Variants in NR1D2 observed in about 807,000 individuals in gnomAD.
NR1D2 encodes V-erbA-related protein 1-related.
In NR1D2, 25 loss-of-function variants were observed where a neutral mutation model predicts 52.2. The ratio of observed to expected loss-of-function variants is 0.48; its 90% CI spans 0.35 to 0.67. NR1D2 has a LOEUF of 0.67. Among genes scored for constraint, NR1D2 ranks in the 30% least tolerant of loss-of-function variants. NR1D2 has a pLI of 0.01. For missense variants in NR1D2, 681 were observed against 707.2 expected (o/e 0.96, Z 0.42); for synonymous variants, 259 against 230.1 (o/e 1.13, Z -1.14).
Position 23,980,580 on chromosome 3 carries a change from G to C in NR1D2, c.*3161G>C, listed in dbSNP as rs1248074038. 1 of 151,720 alleles carries C rather than the reference G, an allele frequency of 6.6e-6. No homozygotes were observed. Among genetic ancestry groups the C allele is most frequent in the Non-Finnish European group, 1.5e-5 (1 of 67,900 alleles). The allele number at this position is 151,720 out of a possible 1,614,324, so 9.4% of individuals were successfully genotyped here. ...TCTTCATGTTTCTGAGAAGTAATCT[G>C]TATGTGGGGGGAGGGGATAATAAAT... On this transcript the variant is annotated 3_prime_UTR_variant, in exon 8 of 8. Coordinates refer to ENST00000312521, the MANE Select transcript of NR1D2 (RefSeq NM_005126.5).
intron 3 of NR1D2, 87 bp from the exon 4 acceptor site, chr3:23,959,584 A>G: frequency 7.8e-7 from 1 of 1,278,028 alleles, no homozygotes; most frequent in Non-Finnish European, 1.1e-6. Flanking sequence ...AGTTCGTCAT[A>G]TACACTAGAT....
chr3:23,968,633 C>G (rs977917978), intron 7 of NR1D2, among the ~76,000 whole-genome samples: 1 of 152,158 alleles, frequency 6.6e-6, no homozygotes, highest in African/African-American at 2.4e-5. Context: ...AATGAGTGAG[C>G]AAGATTTTTG....
intron 1 of NR1D2, among the ~76,000 whole-genome samples, chr3:23,954,167 G>A (rs34058540): frequency 0.13 from 19,602 of 152,062 alleles, 1,775 homozygotes; most frequent in African/African-American, 0.24. Flanking sequence ...CAAACCACAT[G>A]CAGCAAGTTT....
At chr3:23,966,711 CT>C (rs1161201010) in intron 6 of NR1D2, among the ~76,000 whole-genome samples, 1 of 152,156 alleles carries the variant, frequency 6.6e-6, no homozygotes, top group African/African-American at 2.4e-5. Flanking sequence ...GTATTTATTG[CT>C]TTGGTAGAGA....
At chr3:23,956,386 C>T (rs1000428072) in intron 3 of NR1D2, among the ~76,000 whole-genome samples, 10 of 151,956 alleles carry the variant, frequency 6.6e-5, no homozygotes, top group Non-Finnish European at 1.5e-5. Context: ...TTGTGTTAAA[C>T]CAAGTGCACC....
At chr3:23,965,235 C>CTTTT (rs371267256) in intron 6 of NR1D2, 73 bp downstream of exon 6, 150 of 309,200 alleles carry the variant, frequency 4.9e-4, no homozygotes, top group Middle Eastern at 1.1e-3. Context: ...TGTTTTAATT[C>CTTTT]TTTTTTTTTT....
At chr3:23,961,394 T>C (rs1489450319) in intron 4 of NR1D2, among the ~76,000 whole-genome samples, 13 of 142,602 alleles carry the variant, frequency 9.1e-5, no homozygotes, top group South Asian at 4.6e-4. Context: ...TCTTTCTTTT[T>C]TTTTTTTTTT....
chr3:23,958,973 A>G (rs1469374949), intron 3 of NR1D2, among the ~76,000 whole-genome samples: 2 of 152,102 alleles, frequency 1.3e-5, no homozygotes, highest in Admixed American at 1.3e-4. Flanking sequence ...ACAAACAAAC[A>G]AAAAATCAGG....
rs1426919313 is a variant in NR1D2 at position 23,962,600 on chromosome 3, C to T, written c.1141C>T (p.His381Tyr). 4 of 1,594,746 alleles carry T rather than the reference C, an allele frequency of 2.5e-6. No individual in the cohort carries two copies. Among genetic ancestry groups the T allele is most frequent in the Non-Finnish European group, 2.6e-6 (3 of 1,167,108 alleles). The change falls in exon 5 of 8, where the codon CAT (histidine) becomes TAT (tyrosine). Residue 381 changes from histidine (H) to tyrosine (Y), a missense_variant. By Grantham distance (83) the His-to-Tyr change is moderately conservative. Coordinates refer to ENST00000312521, the MANE Select transcript of NR1D2 (RefSeq NM_005126.5). ...SYLCNTGGRM[H>Y]LVCPMSKSPY... is the part of the protein sequence containing the mutation. ...CCTGTGCAACACTGGAGGAAGAATG[C>T]ATCTGGTATAGTGAAATCGATTTTT... is the stretch of plus-strand genomic sequence containing the variant.
chr3:23,963,610 T>C (rs1706356665), intron 5 of NR1D2, among the ~76,000 whole-genome samples: 1 of 152,076 alleles, frequency 6.6e-6, no homozygotes, highest in Non-Finnish European at 1.5e-5. Flanking sequence ...TCACCATGCC[T>C]GGCTAATTTT....
intron 3 of NR1D2, among the ~76,000 whole-genome samples, chr3:23,956,358 C>T (rs775392932): frequency 7.9e-5 from 12 of 152,010 alleles, no homozygotes; most frequent in Non-Finnish European, 1.5e-4. Context: ...AATTTGCTAT[C>T]TCAATTAAAC....
chr3:23,963,441 T>G lies in NR1D2; in HGVS notation c.1146+836T>G, dbSNP rs555989919. Reference sequence around the variant, plus strand: ...TGATTCTGTGGACCTTATGTTAGGCTAAGTCGTTGCTTTTTTGTTTTTTTT... The same window carrying G: ...TGATTCTGTGGACCTTATGTTAGGCGAAGTCGTTGCTTTTTTGTTTTTTTT... On this transcript the variant is annotated intron_variant, in intron 5 of 7. Transcript: ENST00000312521. The G allele has an allele frequency of 1.1e-3, 1,334 of 1,169,506 alleles. 1 individual carries two copies. Among genetic ancestry groups the G allele is most frequent in the Non-Finnish European group, 1.4e-3 (1,293 of 934,876 alleles). 72.4% of individuals were successfully genotyped at this position (1,169,506 alleles called of 1,614,324 possible).
chr3:23,967,813 G>A lies in NR1D2; in HGVS notation c.1333G>A (p.Val445Ile), dbSNP rs1559336713. The change falls in exon 7 of 8, where the codon GTT becomes ATT. Residue 445 changes from valine to isoleucine, a missense_variant and splice_region_variant. Coordinates refer to ENST00000312521, the MANE Select transcript of NR1D2 (RefSeq NM_005126.5). ...AATACATTTCTTTTTCTTTTTCCAG[G>A]TTTTAATGGTACGGTTCGCATCATT... ...VNLLKAGTFE[V>I]LMVRFASLFD... The A allele has an allele frequency of 3.1e-6, 5 of 1,609,566 alleles. No homozygotes were observed. In the Admixed American group the frequency reaches 5.0e-5, roughly 16 times the overall value.
intron 1 of NR1D2, among the ~76,000 whole-genome samples, chr3:23,952,094 G>A (rs139523348): frequency 7.2e-5 from 11 of 152,278 alleles, no homozygotes; most frequent in East Asian, 1.9e-4. Flanking sequence ...GATCTGGAGC[G>A]GAGCCTGATA....
At chr3:23,974,850 A>G (rs1575161609) in intron 7 of NR1D2, among the ~76,000 whole-genome samples, 1 of 131,574 alleles carries the variant, frequency 7.6e-6, no homozygotes, top group Non-Finnish European at 1.6e-5. Flanking sequence ...ACAGGCTCCC[A>G]CTCTGTCACC....
In NR1D2 at chr3:23,978,568, A is replaced by G. The variant is rs925464386; in HGVS notation, c.*1149A>G. ...ACTAGTTGTTTAAAAGTTGATTCAT[A>G]TTCTTACCTTGTGCTGAGAAAGGTT... is the stretch of plus-strand genomic sequence containing the variant. On this transcript the variant is annotated 3_prime_UTR_variant, in exon 8 of 8. Transcript: ENST00000312521. 2 of 152,020 alleles carry G rather than the reference A, an allele frequency of 1.3e-5. No individual in the cohort carries two copies. The highest frequency in any genetic ancestry group is 4.8e-5 in the African/African-American group (2 of 41,396). 9.4% of individuals were successfully genotyped at this position (152,020 alleles called of 1,614,324 possible). A position where few individuals can be genotyped will look rare whatever the true frequency, so the allele number is the denominator to read the frequency against.
At chr3:23,947,170 G>T (rs755903521) in intron 1 of NR1D2, among the ~76,000 whole-genome samples, 22 of 152,154 alleles carry the variant, frequency 1.4e-4, no homozygotes, top group Non-Finnish European at 2.4e-4. Flanking sequence ...GAATTCAGAG[G>T]TGATCAGGGT....
At chr3:23,963,919 G>GT (rs10707974) in intron 5 of NR1D2, among the ~76,000 whole-genome samples, 251 of 140,060 alleles carry the variant, frequency 1.8e-3, no homozygotes, top group Admixed American at 2.6e-3. Context: ...TCTTTTTGGT[G>GT]TTTTTTTTTT....
At chr3:23,945,981 G>C in intron 1 of NR1D2, 1 of 485,080 alleles carries the variant, frequency 2.1e-6, no homozygotes, top group Non-Finnish European at 2.7e-6. Context: ...GAGGCCGCTC[G>C]GCTCCCTGAC....
Sources: gnomAD v4.1 joint callset for allele counts (sites outside exome capture counted in the v4.1 genomes callset) on GRCh38, gnomAD v4.1.1 for gene constraint, MANE v1.5 for transcripts, NCBI Gene and HGNC (gene_info 2026-07-23, HGNC 2026-07-21) for gene names.